The following LRP1 variants were observed in gnomAD, a reference collection of about 807,000 sequenced individuals.
The protein encoded by LRP1 is prolow-density lipoprotein receptor-related protein 1.
LRP1 carries 51 observed loss-of-function variants against 541.5 expected under a neutral mutation model. The ratio of observed to expected loss-of-function variants is 0.09; its 90% CI spans 0.08 to 0.12. The LOEUF (loss-of-function observed/expected upper bound fraction) is 0.12. Among genes scored for constraint, LRP1 ranks in the 10% least tolerant of loss-of-function variants. LRP1 has a pLI of 1.00. For synonymous variants in LRP1, 2,219 were observed against 2,470.8 expected (o/e 0.90, Z 3.02); for missense variants, 3,878 against 6,376.2 (o/e 0.61, Z 13.34).
intron 62 of LRP1, 49 bp downstream of exon 62, chr12:57,200,074 C>T (rs2036616153): frequency 6.6e-7 from 1 of 1,512,118 alleles, no homozygotes; most frequent in African/African-American, 1.4e-5. Flanking sequence ...CCCCAACCCC[C>T]AAATCCTCCT....
intron 20 of LRP1, among the ~76,000 whole-genome samples, chr12:57,170,398 G>A (rs2035922381): frequency 6.6e-6 from 1 of 152,110 alleles, no homozygotes; most frequent in Non-Finnish European, 1.5e-5. Flanking sequence ...CTGGGTGCAG[G>A]CCAGGCATGG....
At chr12:57,159,230 T>C (rs1444592561) in intron 11 of LRP1, among the ~76,000 whole-genome samples, 5 of 152,166 alleles carry the variant, frequency 3.3e-5, no homozygotes, top group African/African-American at 1.2e-4. Flanking sequence ...CCCATCAATC[T>C]GGTGGATGCC....
At position 57,183,151 on chromosome 12, in the gene LRP1, T is replaced by A. The variant is rs1479123345; in HGVS notation, c.5663-228T>A. Among the ~76,000 whole-genome samples the A allele has an allele frequency of 1.3e-5, 2 of 152,088 alleles. No individual in the cohort carries two copies. The highest frequency in any genetic ancestry group is 3.9e-4 in the East Asian group (2 of 5,190). On this transcript the variant is annotated intron_variant, in intron 34 of 88. Transcript: ENST00000243077. This position sits in a 1 kb window ranked among gnomAD's most constrained non-coding sequence, Gnocchi z 6.1. Reference sequence around the variant, plus strand: ...AATCCGAGTCTCTGCTGCCCTCTCATGGTGGCTAGGGGTCCTGCAGGTGGT... The same window carrying A: ...AATCCGAGTCTCTGCTGCCCTCTCAAGGTGGCTAGGGGTCCTGCAGGTGGT...
At position 57,160,881 on chromosome 12, in the gene LRP1, C is replaced by G. The variant is rs553113222; in HGVS notation, c.1980-12C>G. The G allele has an allele frequency of 1.9e-6, 3 of 1,609,094 alleles. No homozygotes were observed. In the East Asian group the frequency reaches 6.7e-5, roughly 36 times the overall value. On this transcript the variant is annotated splice_polypyrimidine_tract_variant and intron_variant, in intron 12 of 88. Coordinates refer to ENST00000243077, the MANE Select transcript of LRP1 (RefSeq NM_002332.3). ...GGGTGCCCAGGTGATGCTGACCAGT[C>G]GCTGCCCACAGGTGGATGTACTGGA...
intron 20 of LRP1, among the ~76,000 whole-genome samples, chr12:57,170,387 G>C (rs1309387651): frequency 1.3e-5 from 2 of 152,156 alleles, no homozygotes; most frequent in Non-Finnish European, 2.9e-5. Flanking sequence ...GTTTTAAAAG[G>C]CTGGGTGCAG....
At position 57,205,444 on chromosome 12, in the gene LRP1, G is replaced by A. The variant is rs1351361070; in HGVS notation, c.11429G>A (p.Arg3810His). The change falls in exon 74 of 89, where the codon CGC becomes CAC. Residue 3810 changes from arginine to histidine, a missense_variant. This residue lies in a region of LRP1 where 871 missense variants were observed against 1,212.4 expected (regional missense o/e 0.72). Coordinates refer to ENST00000243077, the MANE Select transcript of LRP1 (RefSeq NM_002332.3). The surrounding 1 kb of genome is among the most constrained non-coding windows in gnomAD (Gnocchi z 4.6). ...RTEKAAYCAC[R>H]SGFHTVPGQP... ...GAGAAAGCGGCCTACTGTGCCTGCC[G>A]CTCGGGCTTCCACACCGTGCCCGGC... 7 of 1,610,822 alleles carry A rather than the reference G, an allele frequency of 4.3e-6. No individual in the cohort carries two copies. Among genetic ancestry groups the A allele is most frequent in the African/African-American group, 1.3e-5 (1 of 74,890 alleles).
At chr12:57,208,880 G>A (rs2036846775) in intron 78 of LRP1, 63 bp downstream of exon 78, 6 of 1,382,556 alleles carry the variant, frequency 4.3e-6, no homozygotes, top group Non-Finnish European at 6.2e-6. Flanking sequence ...GAGCCCAGCT[G>A]CTGCTGAAGT....
At chr12:57,196,883 G>T in intron 55 of LRP1, 99 bp from the exon 56 acceptor site, 1 of 1,080,572 alleles carries the variant, frequency 9.3e-7, no homozygotes, top group Non-Finnish European at 1.3e-6. Context: ...TGCCCCTAGT[G>T]AGGCCGGGTA....
chr12:57,145,309 T>C lies in LRP1; in HGVS notation c.660T>C (p.Ser220=). Residue 220 remains serine (S), a synonymous_variant, in exon 6 of 89, where the codon TCT becomes TCC. Transcript: ENST00000243077. ...CGTACCTGAGTGGGGCCCAGGTGTC[T>C]ACCATCACACCTACGAGCACGCGGC... ...LATYLSGAQV[S]TITPTSTRQT... is the part of the protein sequence containing the mutation. 3 of 1,614,126 alleles carry C rather than the reference T, an allele frequency of 1.9e-6. No individual in the cohort carries two copies. Among genetic ancestry groups the C allele is most frequent in the African/African-American group, 2.7e-5 (2 of 75,040 alleles).
At position 57,192,926 on chromosome 12, in the gene LRP1, C is replaced by T. The variant is rs2136724934; in HGVS notation, c.7511C>T (p.Ser2504Leu). Residue 2504 changes from serine to leucine, a missense_variant, in exon 45 of 89, where the codon TCA becomes TTA. Around this residue, in one of 13 missense-constraint regions of LRP1, gnomAD observed 1,100 missense variants for 1,827.4 expected, o/e 0.60. Transcript: ENST00000243077. ...ACTCACCAGGGCCATGTCAACTGCT[C>T]ATGCCGAGGGGGCCGAATCCTCCAG... The part of the protein sequence containing the change: ...LLTHQGHVNC[S>L]CRGGRILQDD... The T allele has an allele frequency of 6.2e-7, 1 of 1,614,022 alleles. No individual in the cohort carries two copies. The highest frequency in any genetic ancestry group is 1.1e-5 in the South Asian group (1 of 91,080).
Position 57,195,121 on chromosome 12 carries a change from G to A in LRP1, c.8308+20G>A. 1 of 1,609,016 alleles carries A rather than the reference G, an allele frequency of 6.2e-7. No homozygotes were observed. The highest frequency in any genetic ancestry group is 8.5e-7 in the Non-Finnish European group (1 of 1,175,784). On this transcript the variant is annotated intron_variant, in intron 51 of 88. Coordinates refer to ENST00000243077, the MANE Select transcript of LRP1 (RefSeq NM_002332.3). ...ACTGTGGTAAGGAAGCTGGGATTGG[G>A]CCGGGGGAGGTGCCCCAGGGAGGGA...
Position 57,162,590 on chromosome 12 carries a change from TC to T in LRP1, c.2404+75del. Reference sequence around the variant, plus strand: ...GGGACTTAGGCATTGATTTGAGACTTCCCTGGGAGTGAAGGCACTTCCCAGG... The same window carrying T: ...GGGACTTAGGCATTGATTTGAGACTTCCTGGGAGTGAAGGCACTTCCCAGG... On this transcript the variant is annotated intron_variant, in intron 14 of 88. Transcript: ENST00000243077. This position sits in a 1 kb window ranked among gnomAD's most constrained non-coding sequence, Gnocchi z 5.2. 1.3e-6 allele frequency: 2 copies of T among 1,548,422 alleles called. No individual in the cohort carries two copies. Among genetic ancestry groups the T allele is most frequent in the South Asian group, 2.3e-5 (2 of 88,602 alleles).
intron 41 of LRP1, among the ~76,000 whole-genome samples, chr12:57,186,688 CA>C (rs1181691275): frequency 1.3e-5 from 2 of 152,214 alleles, no homozygotes; most frequent in East Asian, 3.8e-4. Flanking sequence ...ACTGGCACAT[CA>C]ATCCCCAGAC....
chr12:57,200,436 C>T lies in LRP1; in HGVS notation c.10015-6C>T. The T allele has an allele frequency of 5.6e-6, 9 of 1,603,686 alleles. No homozygotes were observed. The highest frequency in any genetic ancestry group is 7.7e-6 in the Non-Finnish European group (9 of 1,170,914). ...CCAACCCCTCTTGCCCCCACCTGCC[C>T]TCCAGTTTGTATGCAAGAACGACAA... On this transcript the variant is annotated splice_region_variant and splice_polypyrimidine_tract_variant and intron_variant, in intron 62 of 88. Coordinates refer to ENST00000243077, the MANE Select transcript of LRP1 (RefSeq NM_002332.3).
chr12:57,171,298 G>A (rs2136693236), intron 20 of LRP1, among the ~76,000 whole-genome samples: 1 of 152,308 alleles, frequency 6.6e-6, no homozygotes, highest in African/African-American at 2.4e-5. Context: ...GAGCTGGATG[G>A]TCTGGGACCA....
At chr12:57,176,190 C>A in intron 24 of LRP1, 84 bp downstream of exon 24, 2 of 1,397,410 alleles carry the variant, frequency 1.4e-6, no homozygotes, top group South Asian at 1.2e-5. Context: ...CAAGTGGCCC[C>A]AAAGCAGAGG....
intron 70 of LRP1, chr12:57,203,835 C>T (rs1459745604): frequency 5.8e-6 from 2 of 344,880 alleles, no homozygotes; most frequent in Admixed American, 9.5e-5. Flanking sequence ...CAAGTCCCTC[C>T]GAGACAGTCT....
At chr12:57,196,889 G>A (rs867039393) in intron 55 of LRP1, 93 bp from the exon 56 acceptor site, 31 of 1,132,162 alleles carry the variant, frequency 2.7e-5, no homozygotes, top group Non-Finnish European at 3.8e-5. Context: ...TAGTGAGGCC[G>A]GGTAGAGGGA....
At position 57,191,126 on chromosome 12, in the gene LRP1, G is replaced by A. The variant is rs543644685; in HGVS notation, c.7236+117G>A. ...GGTGGGAACAGCTGGGAGGAGGTGA[G>A]TGCCTCCAGGCCCCAGCCTCGGTCA... On this transcript the variant is annotated intron_variant, in intron 43 of 88. Transcript: ENST00000243077. 6.7e-6 allele frequency: 8 copies of A among 1,191,750 alleles called. No individual in the cohort carries two copies. The Admixed American group carries it at 1.0e-4, about 15-fold the overall frequency. The allele number at this position is 1,191,750 out of a possible 1,614,324, so 73.8% of individuals were successfully genotyped here. A position where few individuals can be genotyped will look rare whatever the true frequency, so the allele number is the denominator to read the frequency against.
Sources: gnomAD v4.1 joint callset for allele counts (sites outside exome capture counted in the v4.1 genomes callset) on GRCh38, gnomAD v4.1.1 for gene constraint, gnomAD v4.1.1 regional missense constraint, Gnocchi (gnomAD v3.1) non-coding constraint, MANE v1.5 for transcripts, NCBI Gene and HGNC (gene_info 2026-07-23, HGNC 2026-07-21) for gene names.